Variants in NRXN1 observed in about 807,000 individuals in gnomAD.
The protein encoded by NRXN1 is neurexin 1.
NRXN1 carries 39 observed loss-of-function variants against 150.9 expected under a neutral mutation model. That is an observed-to-expected ratio of 0.26 (90% CI 0.20 to 0.34). The LOEUF (loss-of-function observed/expected upper bound fraction) is 0.34. Among genes scored for constraint, NRXN1 ranks in the 10% least tolerant of loss-of-function variants. The pLI, the probability that NRXN1 is intolerant of heterozygous loss-of-function variation, is 1.00. For synonymous variants in NRXN1, 924 were observed against 757.0 expected (o/e 1.22, Z -3.62); for missense variants, 1,815 against 1,949.9 (o/e 0.93, Z 1.30).
At chr2:50,378,627 T>C (rs1240758868) in intron 17 of NRXN1, among the ~76,000 whole-genome samples, 1 of 152,074 alleles carries the variant, frequency 6.6e-6, no homozygotes. Flanking sequence ...CTGTATTAAA[T>C]TGGGGGCTTT....
At chr2:49,997,054 C>G (rs1683118084) in intron 21 of NRXN1, among the ~76,000 whole-genome samples, 1 of 152,118 alleles carries the variant, frequency 6.6e-6, no homozygotes, top group Admixed American at 6.5e-5. Context: ...GAAAGTACTA[C>G]TAACAGAATA....
At chr2:50,553,172 A>C in intron 8 of NRXN1, 147 bp from the exon 9 acceptor site, 1 of 633,036 alleles carries the variant, frequency 1.6e-6, no homozygotes, top group East Asian at 2.7e-5. Flanking sequence ...TTTCTCAGGC[A>C]AATAAAATTC....
chr2:50,860,312 TG>T (rs1212687773), intron 5 of NRXN1, among the ~76,000 whole-genome samples: 2 of 152,056 alleles, frequency 1.3e-5, no homozygotes, highest in Non-Finnish European at 2.9e-5. Flanking sequence ...TCTACTTGCT[TG>T]ATTTTTAAGA....
chr2:50,486,015 G>A (rs1188245648), intron 15 of NRXN1, among the ~76,000 whole-genome samples: 1 of 152,120 alleles, frequency 6.6e-6, no homozygotes, highest in Admixed American at 6.5e-5. Flanking sequence ...TGAATGTTAT[G>A]TTTTATAATA....
At position 50,502,244 on chromosome 2, in the gene NRXN1, A is replaced by G. The variant is rs982101716; in HGVS notation, c.2497+4251T>C. On this transcript the variant is annotated intron_variant, in intron 13 of 22. Transcript: ENST00000401669. The stretch of plus-strand genomic sequence containing the variant: ...GAAAGAAGGAAGGAAGGAAGGAAGG[A>G]AGGAGGGAAAAAATAAACAATTTAC... Among the ~76,000 whole-genome samples the G allele has an allele frequency of 5.3e-5, 8 of 152,096 alleles. No individual in the cohort carries two copies. In the East Asian group the frequency reaches 1.5e-3, roughly 29 times the overall value.
chr2:50,303,585 C>A (rs112408926), intron 17 of NRXN1, among the ~76,000 whole-genome samples: 12,741 of 152,186 alleles, frequency 0.084, 625 homozygotes, highest in Middle Eastern at 0.14. Context: ...AGTCCCTAAA[C>A]ACTCTGTGTT....
At chr2:50,871,536 A>C (rs1339404135) in intron 5 of NRXN1, among the ~76,000 whole-genome samples, 1 of 151,900 alleles carries the variant, frequency 6.6e-6, no homozygotes, top group Non-Finnish European at 1.5e-5. Flanking sequence ...ATAATTATTC[A>C]TTCAATTTAA....
intron 5 of NRXN1, among the ~76,000 whole-genome samples, chr2:50,863,745 T>C (rs1485758038): frequency 6.6e-6 from 1 of 152,052 alleles, no homozygotes; most frequent in East Asian, 1.9e-4. Context: ...GAGTTGATTG[T>C]TTATCATGCT....
chr2:50,222,127 T>G (rs1358601818), intron 18 of NRXN1, among the ~76,000 whole-genome samples: 1 of 151,944 alleles, frequency 6.6e-6, no homozygotes, highest in Admixed American at 6.6e-5. Context: ...AGGAGGATAT[T>G]AACCTCTTGC....
At chr2:50,769,353 G>C (rs1268264308) in intron 5 of NRXN1, among the ~76,000 whole-genome samples, 1 of 152,020 alleles carries the variant, frequency 6.6e-6, no homozygotes, top group East Asian at 1.9e-4. Context: ...GAAACCTGCT[G>C]TCTCTCTAAT....
At chr2:50,725,464 G>A (rs1697224974) in intron 5 of NRXN1, among the ~76,000 whole-genome samples, 1 of 152,060 alleles carries the variant, frequency 6.6e-6, no homozygotes, top group South Asian at 2.1e-4. Flanking sequence ...TCACCACACT[G>A]ATTACAGGTA....
chr2:50,672,126 TATA>T (rs1186743264), intron 5 of NRXN1, among the ~76,000 whole-genome samples: 1 of 151,966 alleles, frequency 6.6e-6, no homozygotes, highest in African/African-American at 2.4e-5. Context: ...CATAATTTGC[TATA>T]ATACCATTAA....
chr2:50,007,460 T>A (rs1684959199), intron 21 of NRXN1, among the ~76,000 whole-genome samples: 3 of 152,064 alleles, frequency 2.0e-5, no homozygotes, highest in African/African-American at 7.2e-5. Context: ...CAAATCCCAC[T>A]TATGAGTGAG....
chr2:50,364,995 C>T (rs2079487357), intron 17 of NRXN1, among the ~76,000 whole-genome samples: 1 of 151,972 alleles, frequency 6.6e-6, no homozygotes, highest in Non-Finnish European at 1.5e-5. Flanking sequence ...AACCAAACTT[C>T]CTTTATGTTG....
At chr2:50,054,641 T>C (rs1288822637) in intron 20 of NRXN1, among the ~76,000 whole-genome samples, 2 of 152,196 alleles carry the variant, frequency 1.3e-5, no homozygotes, top group African/African-American at 4.8e-5. Flanking sequence ...ATATAGTCTA[T>C]GAATGATTTA....
At chr2:50,813,378 T>C (rs994291034) in intron 5 of NRXN1, among the ~76,000 whole-genome samples, 2 of 152,300 alleles carry the variant, frequency 1.3e-5, no homozygotes, top group African/African-American at 4.8e-5. Context: ...CTTCTCTCGT[T>C]TATAGCTTTA....
At chr2:50,062,960 G>C (rs774015913) in intron 19 of NRXN1, among the ~76,000 whole-genome samples, 16 of 152,142 alleles carry the variant, frequency 1.1e-4, no homozygotes, top group Non-Finnish European at 4.4e-5. Context: ...CTTATTTCTT[G>C]AGTTTTTAAC....
intron 5 of NRXN1, among the ~76,000 whole-genome samples, chr2:50,799,637 G>A (rs1361470219): frequency 6.6e-6 from 1 of 152,128 alleles, no homozygotes; most frequent in African/African-American, 2.4e-5. Context: ...TAAATTACAT[G>A]AGACAGTCAA....
intron 17 of NRXN1, among the ~76,000 whole-genome samples, chr2:50,459,643 C>G (rs2087956077): frequency 6.6e-6 from 1 of 152,120 alleles, no homozygotes; most frequent in Admixed American, 6.6e-5. Flanking sequence ...GACATTATCT[C>G]ATTTCTTTTT....
Sources: allele counts gnomAD v4.1 joint callset (sites outside exome capture counted in the v4.1 genomes callset), GRCh38; gene constraint gnomAD v4.1.1; transcripts MANE v1.5; gene names NCBI Gene and HGNC (gene_info 2026-07-23, HGNC 2026-07-21).